CHL1: variants seen among roughly 807,000 people sequenced by gnomAD.
CHL1 encodes the protein neural cell adhesion molecule L1-like protein.
Under a neutral mutation model 141.9 loss-of-function variants are expected in CHL1, and 96 were observed. That is an observed-to-expected ratio of 0.68 (90% CI 0.57 to 0.80). The LOEUF (loss-of-function observed/expected upper bound fraction) is 0.80. Among genes scored for constraint, CHL1 ranks in the 30% least tolerant of loss-of-function variants. The pLI, the probability that CHL1 is intolerant of heterozygous loss-of-function variation, is 0.00. For missense variants in CHL1, 1,820 were observed against 1,457.2 expected (o/e 1.25, Z -4.05); for synonymous variants, 613 against 502.2 (o/e 1.22, Z -2.95).
intron 2 of CHL1, among the ~76,000 whole-genome samples, chr3:302,227 G>T (rs754057765): frequency 9.9e-5 from 15 of 152,024 alleles, no homozygotes; most frequent in Non-Finnish European, 1.6e-4. Context: ...TGTGTCTATC[G>T]TAGAATGATT....
intron 2 of CHL1, among the ~76,000 whole-genome samples, chr3:272,806 C>G (rs34534829): frequency 0.079 from 11,979 of 152,246 alleles, 523 homozygotes; most frequent in Non-Finnish European, 0.091. Context: ...AGTCTTTCAT[C>G]CATCCAGTAC....
At chr3:349,312 C>G in intron 9 of CHL1, 47 bp from the exon 10 acceptor site, 1 of 1,502,686 alleles carries the variant, frequency 6.7e-7, no homozygotes, top group South Asian at 1.2e-5. Context: ...TTGTATTTTA[C>G]TTTCCGCTTT....
intron 15 of CHL1, among the ~76,000 whole-genome samples, 192 bp downstream of exon 15, chr3:366,307 C>A (rs2125295491): frequency 6.6e-6 from 1 of 151,994 alleles, no homozygotes; most frequent in Non-Finnish European, 1.5e-5. Flanking sequence ...CCCGTCTCCA[C>A]TAAAAATACA....
chr3:373,765 A>G (rs1705944949), intron 15 of CHL1: 1 of 152,262 alleles, frequency 6.6e-6, no homozygotes, highest in African/African-American at 2.4e-5. Flanking sequence ...GGGTCTTCCA[A>G]TCCATGGGTT....
At chr3:224,449 C>T (rs1448954874) in intron 1 of CHL1, among the ~76,000 whole-genome samples, 2 of 152,108 alleles carry the variant, frequency 1.3e-5, no homozygotes, top group Admixed American at 6.6e-5. Context: ...GGGAACAGAT[C>T]CCGTATGGCC....
At chr3:271,588 T>C (rs1021701252) in intron 2 of CHL1, among the ~76,000 whole-genome samples, 24 of 152,198 alleles carry the variant, frequency 1.6e-4, no homozygotes, top group African/African-American at 5.8e-4. Flanking sequence ...AAGCTTTCAT[T>C]TATGGTTGGA....
chr3:248,075 C>G (rs1693340409), intron 2 of CHL1: 1 of 152,104 alleles, frequency 6.6e-6, no homozygotes, highest in Non-Finnish European at 1.5e-5. Context: ...AGAAGCCTCA[C>G]ATTTCTTCCT....
chr3:360,672 G>A (rs1704149318), intron 12 of CHL1, among the ~76,000 whole-genome samples: 1 of 149,158 alleles, frequency 6.7e-6, no homozygotes, highest in Non-Finnish European at 1.5e-5. Context: ...CATGTGCCAT[G>A]CTGGTGCGCT....
intron 2 of CHL1, among the ~76,000 whole-genome samples, chr3:293,478 C>T (rs1294251173): frequency 6.6e-6 from 1 of 152,076 alleles, no homozygotes; most frequent in East Asian, 1.9e-4. Flanking sequence ...GCACTCCAGC[C>T]TGGGCCACAG....
intron 1 of CHL1, among the ~76,000 whole-genome samples, chr3:216,740 G>A (rs1387497247): frequency 2.6e-5 from 4 of 152,180 alleles, no homozygotes; most frequent in Non-Finnish European, 4.4e-5. Context: ...GCTAAATATG[G>A]CCAATCACAA....
chr3:382,720 C>A, intron 18 of CHL1, 49 bp downstream of exon 18: 1 of 1,445,428 alleles, frequency 6.9e-7, no homozygotes, highest in South Asian at 1.2e-5. Context: ...TGTTTGTCCC[C>A]ATCTTTGAAC....
intron 1 of CHL1, among the ~76,000 whole-genome samples, chr3:230,236 A>T (rs1701739663): frequency 6.6e-6 from 1 of 152,178 alleles, no homozygotes; most frequent in Non-Finnish European, 1.5e-5. Flanking sequence ...CTCCTATATG[A>T]TGCCTGGATT....
chr3:390,823 A>C lies in CHL1; in HGVS notation c.2586+7A>C. On this transcript the variant is annotated splice_region_variant and intron_variant, in intron 21 of 27. Coordinates refer to ENST00000256509, the MANE Select transcript of CHL1 (RefSeq NM_006614.4). ...ACGTCTGAAAGGCTATCAGGTTTTTATCATCATGGTTTTTCCTCTTCTTGT... is the reference window on the plus strand; with the variant it reads ...ACGTCTGAAAGGCTATCAGGTTTTTCTCATCATGGTTTTTCCTCTTCTTGT... 1 of 1,558,900 alleles carries C rather than the reference A, an allele frequency of 6.4e-7. No individual in the cohort carries two copies. The highest frequency in any genetic ancestry group is 8.8e-7 in the Non-Finnish European group (1 of 1,136,714).
At chr3:312,832 A>G (rs1430437220) in intron 2 of CHL1, among the ~76,000 whole-genome samples, 2 of 152,210 alleles carry the variant, frequency 1.3e-5, no homozygotes, top group Non-Finnish European at 2.9e-5. Context: ...ACTGTCTCAG[A>G]CTATTATACA....
At chr3:304,599 T>C (rs1030100914) in intron 2 of CHL1, among the ~76,000 whole-genome samples, 19 of 152,270 alleles carry the variant, frequency 1.2e-4, no homozygotes, top group Admixed American at 9.8e-4. Context: ...CCCTTTATCA[T>C]TTTTTACTGC....
chr3:382,969 T>C (rs1241244438), intron 18 of CHL1, among the ~76,000 whole-genome samples: 2 of 152,210 alleles, frequency 1.3e-5, no homozygotes, highest in Non-Finnish European at 2.9e-5. Context: ...AAGTTCTAAA[T>C]TAAAATTCAA....
At chr3:386,759 A>C (rs951163269) in intron 19 of CHL1, among the ~76,000 whole-genome samples, 1 of 152,190 alleles carries the variant, frequency 6.6e-6, no homozygotes, top group African/African-American at 2.4e-5. Context: ...TATTATTTAT[A>C]ATACAAGTAT....
At chr3:241,553 G>A (rs1692561735) in intron 1 of CHL1, among the ~76,000 whole-genome samples, 1 of 150,850 alleles carries the variant, frequency 6.6e-6, no homozygotes, top group South Asian at 2.1e-4. Context: ...TTCAGCAAGT[G>A]CTGTTTCTCC....
chr3:321,359 CA>C (rs1700548712), intron 3 of CHL1, among the ~76,000 whole-genome samples: 2 of 152,054 alleles, frequency 1.3e-5, no homozygotes, highest in South Asian at 4.1e-4. Flanking sequence ...TCGGCCTACA[CA>C]ATGTATTAGA....
Sources: allele counts gnomAD v4.1 joint callset (sites outside exome capture counted in the v4.1 genomes callset), GRCh38; gene constraint gnomAD v4.1.1; transcripts MANE v1.5; gene names NCBI Gene and HGNC (gene_info 2026-07-23, HGNC 2026-07-21).